The following RAD50 variants were observed in gnomAD, a reference collection of about 807,000 sequenced individuals.
RAD50 encodes DNA repair protein RAD50.
RAD50 carries 132 observed loss-of-function variants against 168.8 expected under a neutral mutation model. That is an observed-to-expected ratio of 0.78 (90% CI 0.68 to 0.90). The LOEUF is 0.90. Among genes scored for constraint, RAD50 ranks in the 40% least tolerant of loss-of-function variants. The pLI, the probability that RAD50 is intolerant of heterozygous loss-of-function variation, is 0.00. For synonymous variants in RAD50, 525 were observed against 497.4 expected (o/e 1.06, Z -0.74); for missense variants, 1,347 against 1,534.4 (o/e 0.88, Z 2.04).
rs375218200 is a variant in RAD50 at position 132,591,227 on chromosome 5, C to T, written c.1456C>T (p.Arg486Cys). 20 of 1,606,378 alleles carry T rather than the reference C, an allele frequency of 1.2e-5. No individual in the cohort carries two copies. The African/African-American group carries it at 1.9e-4, about 15-fold the overall frequency. The change falls in exon 10 of 25, where the codon CGT becomes TGT. Residue 486 changes from arginine (R) to cysteine (C), a missense_variant. By Grantham distance (180) the Arg-to-Cys change is radical. Coordinates refer to ENST00000378823, the MANE Select transcript of RAD50 (RefSeq NM_005732.4). The part of the protein sequence containing the change: ...ELDQELIKAE[R>C]ELSKAEKNSN... ...ATTTGTATGAATTATTGACTAGGAA[C>T]GTGAGTTAAGCAAGGCTGAGAAAAA...
chr5:132,560,739 T>C (rs1010561652), intron 2 of RAD50, among the ~76,000 whole-genome samples: 25 of 152,210 alleles, frequency 1.6e-4, no homozygotes, highest in African/African-American at 5.8e-4. Context: ...TTTTTCCATC[T>C]CTCTCCTGGA....
intron 11 of RAD50, 143 bp from the exon 12 acceptor site, chr5:132,594,726 C>T (rs1218632714): frequency 7.5e-6 from 6 of 802,082 alleles, no homozygotes; most frequent in East Asian, 2.7e-5. Flanking sequence ...GGACTAGTCC[C>T]TCAACTTCTG....
intron 3 of RAD50, among the ~76,000 whole-genome samples, chr5:132,578,768 A>T (rs1240265232): frequency 6.6e-6 from 1 of 151,812 alleles, no homozygotes; most frequent in Non-Finnish European, 1.5e-5. Context: ...ACCTCAGGTG[A>T]TCCATTCACC....
Position 132,573,232 on chromosome 5 carries a change from G to A in RAD50, c.214-2545G>A, listed in dbSNP as rs374152046. Among the ~76,000 whole-genome samples, 314 of 152,300 alleles carry A rather than the reference G, an allele frequency of 2.1e-3. 1 individual carries two copies. The highest frequency in any genetic ancestry group is 0.017 in the South Asian group (83 of 4,820). ...TGTATTACTCCATTTTCACACTGCT[G>A]TTAAAGACATACCCAAGACTGGGCA... On this transcript the variant is annotated intron_variant, in intron 2 of 24. Coordinates refer to ENST00000378823, the MANE Select transcript of RAD50 (RefSeq NM_005732.4).
intron 2 of RAD50, among the ~76,000 whole-genome samples, chr5:132,567,676 G>A (rs1750231808): frequency 6.6e-6 from 1 of 152,154 alleles, no homozygotes; most frequent in Admixed American, 6.5e-5. Context: ...TGGCAAGTGG[G>A]GCTGTGAGTG....
At chr5:132,640,612 T>C in intron 23 of RAD50, 60 bp from the exon 24 acceptor site, 3 of 1,608,516 alleles carry the variant, frequency 1.9e-6, no homozygotes, top group Non-Finnish European at 2.6e-6. Context: ...TCAGGACTGC[T>C]TGCCTGCCAT....
In RAD50 at chr5:132,557,131, A is replaced by G. The variant is rs910879207; in HGVS notation, c.-194A>G. ...GGGAAAGCAGCTGGTGTGGGAGGAA[A>G]GGCTCCATCCCCCGCCCCCTCTCTC... On this transcript the variant is annotated 5_prime_UTR_variant, in exon 1 of 25. Transcript: ENST00000378823. 2.4e-4 allele frequency: 191 copies of G among 781,088 alleles called. No homozygotes were observed. The highest frequency in any genetic ancestry group is 3.6e-4 in the Non-Finnish European group (175 of 483,998). The allele number at this position is 781,088 out of a possible 1,614,324, so 48.4% of individuals were successfully genotyped here. A position where few individuals can be genotyped will look rare whatever the true frequency, so the allele number is the denominator to read the frequency against.
chr5:132,587,748 T>G, intron 6 of RAD50, 58 bp downstream of exon 6: 6 of 1,608,324 alleles, frequency 3.7e-6, no homozygotes, highest in Non-Finnish European at 5.1e-6. Flanking sequence ...GTAATGAACT[T>G]TATTTGAATC....
rs2149830106 is a variant in RAD50 at position 132,557,373 on chromosome 5, A to G, written c.49A>G (p.Ile17Val). 1 of 1,614,146 alleles carries G rather than the reference A, an allele frequency of 6.2e-7. No individual in the cohort carries two copies. Residue 17 changes from isoleucine to valine, a missense_variant, in exon 1 of 25, where the codon ATA becomes GTA. By Grantham distance (29) the Ile-to-Val change is conservative (BLOSUM62 3). This residue lies in a region of RAD50 where 703 missense variants were observed against 767.7 expected (regional missense o/e 0.92). Coordinates refer to ENST00000378823, the MANE Select transcript of RAD50 (RefSeq NM_005732.4). Reference protein sequence around the residue: ...MSILGVRSFGIEDKDKQIITF... With the variant: ...MSILGVRSFGVEDKDKQIITF... The stretch of plus-strand genomic sequence containing the variant: ...CATTCTGGGCGTGCGGAGTTTTGGA[A>G]TAGAGGACAAAGATAAGCAAATTAT...
intron 5 of RAD50, among the ~76,000 whole-genome samples, chr5:132,580,320 G>A (rs1470138107): frequency 6.6e-6 from 1 of 151,940 alleles, no homozygotes; most frequent in Non-Finnish European, 1.5e-5. Context: ...TGCTATAGTA[G>A]CATTCTCCCC....
rs28903094 is a variant in RAD50, at chr5:132,642,304, C to T, written c.3879C>T (p.Ile1293=). 6,625 of 1,613,892 alleles carry T rather than the reference C, an allele frequency of 4.1e-3. 18 individuals carry two copies. Among genetic ancestry groups the T allele is most frequent in the Non-Finnish European group, 5.1e-3 (6,074 of 1,179,876 alleles). The change falls in exon 25 of 25, where the codon ATC becomes ATT. Residue 1293 remains isoleucine, a synonymous_variant. Transcript: ENST00000378823. Reference sequence around the variant, plus strand: ...AATTCTACAGGATTAAAAAGAACATCGATCAGTGCTCAGAGATTGTGAAAT... The same window carrying T: ...AATTCTACAGGATTAAAAAGAACATTGATCAGTGCTCAGAGATTGTGAAAT... ...VEKFYRIKKN[I]DQCSEIVKCS...
intron 1 of RAD50, among the ~76,000 whole-genome samples, 190 bp downstream of exon 1, chr5:132,557,643 G>A (rs1481854467): frequency 1.3e-5 from 2 of 152,188 alleles, no homozygotes; most frequent in Non-Finnish European, 2.9e-5. Flanking sequence ...AGTCTCGGAA[G>A]GATGTCCGGA....
At chr5:132,636,674 C>G (rs1309798133) in intron 21 of RAD50, among the ~76,000 whole-genome samples, 2 of 152,128 alleles carry the variant, frequency 1.3e-5, no homozygotes, top group Non-Finnish European at 2.9e-5. Flanking sequence ...CTTGGCTAAC[C>G]GTAAACCTTC....
intron 21 of RAD50, among the ~76,000 whole-genome samples, chr5:132,632,130 T>C (rs1433135062): frequency 6.6e-6 from 1 of 152,242 alleles, no homozygotes; most frequent in East Asian, 1.9e-4. Flanking sequence ...TTTCCTGTGC[T>C]ATCTCTCCCA....
In RAD50 at chr5:132,609,197, C is replaced by T. The variant is rs148269640; in HGVS notation, c.2910C>T (p.Asp970=). Residue 970 remains aspartate (D), a synonymous_variant, in exon 18 of 25, where the codon GAC becomes GAT. Transcript: ENST00000378823. The part of the protein sequence containing the change: ...DIENYIQDGK[D]DYKKQKETEL... Reference sequence around the variant, plus strand: ...AGAATTATATTCAAGATGGGAAAGACGACTATAAGAAGGTAATTTAAAACT... The same window carrying T: ...AGAATTATATTCAAGATGGGAAAGATGACTATAAGAAGGTAATTTAAAACT... The T allele has an allele frequency of 7.9e-4, 1,269 of 1,611,174 alleles. 10 individuals are homozygous for T. The African/African-American group carries it at 0.012, about 15-fold the overall frequency.
At chr5:132,625,757 A>G (rs1275155007) in intron 21 of RAD50, among the ~76,000 whole-genome samples, 1 of 152,164 alleles carries the variant, frequency 6.6e-6, no homozygotes, top group Non-Finnish European at 1.5e-5. Flanking sequence ...CACTCCCACA[A>G]ATGAATGAGA....
chr5:132,602,917 A>T (rs1398475701), intron 13 of RAD50, among the ~76,000 whole-genome samples: 3 of 152,188 alleles, frequency 2.0e-5, no homozygotes, highest in Non-Finnish European at 4.4e-5. Context: ...CATTAGTAGA[A>T]TATTTCTCAG....
chr5:132,592,905 A>G, intron 11 of RAD50: 1 of 470,740 alleles, frequency 2.1e-6, no homozygotes, highest in Non-Finnish European at 4.4e-6. Flanking sequence ...GCATCCATCA[A>G]GTAGAACGTT....
chr5:132,595,718 G>A lies in RAD50; in HGVS notation c.2115G>A (p.Leu705=), dbSNP rs748872310. 1.7e-5 allele frequency: 27 copies of A among 1,613,846 alleles called. No homozygotes were observed. The highest frequency in any genetic ancestry group is 8.5e-7 in the Non-Finnish European group (1 of 1,179,904). Residue 705 remains leucine, a synonymous_variant, in exon 13 of 25, where the codon CTG becomes CTA. Coordinates refer to ENST00000378823, the MANE Select transcript of RAD50 (RefSeq NM_005732.4). ...TCATCAGTGATTTGCAGTCTAAACT[G>A]CGACTTGCTCCAGATAAACTCAAGT... ...QEVISDLQSK[L]RLAPDKLKST...
Sources: gnomAD v4.1 joint callset for allele counts (sites outside exome capture counted in the v4.1 genomes callset) on GRCh38, gnomAD v4.1.1 for gene constraint, gnomAD v4.1.1 regional missense constraint, MANE v1.5 for transcripts, NCBI Gene and HGNC (gene_info 2026-07-23, HGNC 2026-07-21) for gene names.